KCNIP4: variants seen among roughly 807,000 people sequenced by gnomAD.
KCNIP4 encodes the protein potassium voltage-gated channel interacting protein 4.
In KCNIP4, 12 loss-of-function variants were observed where a neutral mutation model predicts 34.0. The ratio of observed to expected loss-of-function variants is 0.35; its 90% CI spans 0.23 to 0.57. The LOEUF is 0.57. Among genes scored for constraint, KCNIP4 ranks in the 20% least tolerant of loss-of-function variants. The probability of loss-of-function intolerance (pLI) is 0.83; values close to 1 mark genes in which losing one functional copy is unlikely to be tolerated. For missense variants in KCNIP4, 238 were observed against 311.7 expected, an observed-to-expected ratio of 0.76 and a Z score of 1.78; for synonymous variants, 124 against 102.2, an observed-to-expected ratio of 1.21 and a Z score of -1.29.
chr4:21,393,998 C>G (rs1722765547), intron 1 of KCNIP4, among the ~76,000 whole-genome samples: 1 of 152,198 alleles, frequency 6.6e-6, no homozygotes, highest in Non-Finnish European at 1.5e-5. Flanking sequence ...TCAATCCCTA[C>G]TTGCCTACTG....
chr4:21,221,068 T>A (rs1011719819), intron 1 of KCNIP4, among the ~76,000 whole-genome samples: 2 of 152,162 alleles, frequency 1.3e-5, no homozygotes, highest in South Asian at 2.1e-4. Context: ...AATTCATCGT[T>A]CATTCCTCTG....
intron 1 of KCNIP4, among the ~76,000 whole-genome samples, chr4:21,812,148 CAA>C (rs919183227): frequency 1.3e-5 from 2 of 152,128 alleles, no homozygotes; most frequent in African/African-American, 4.8e-5. Context: ...TCTAGTTCTA[CAA>C]AAAGAGGCTA....
intron 1 of KCNIP4, among the ~76,000 whole-genome samples, chr4:21,117,643 T>G (rs55988252): frequency 0.2 from 30,927 of 152,068 alleles, 3,672 homozygotes; most frequent in African/African-American, 0.33. Context: ...TCTAACTCCC[T>G]TTTTCACGTG....
intron 1 of KCNIP4, among the ~76,000 whole-genome samples, chr4:21,588,319 G>C (rs1456451659): frequency 1.3e-5 from 2 of 151,962 alleles, no homozygotes; most frequent in East Asian, 3.9e-4. Context: ...CCAAATCAAA[G>C]GTTGTTATGG....
chr4:21,718,582 A>C (rs187894245), intron 1 of KCNIP4: 2 of 152,256 alleles, frequency 1.3e-5, no homozygotes, highest in East Asian at 3.9e-4. Context: ...AACTTCTCTA[A>C]ATGCAAGACA....
At chr4:21,392,235 G>T (rs1722628556) in intron 1 of KCNIP4, among the ~76,000 whole-genome samples, 1 of 152,200 alleles carries the variant, frequency 6.6e-6, no homozygotes, top group South Asian at 2.1e-4. Context: ...AAATGGGAAG[G>T]TGGAAGTGCA....
intron 1 of KCNIP4, among the ~76,000 whole-genome samples, chr4:21,233,449 T>G (rs1315097348): frequency 6.6e-6 from 1 of 151,998 alleles, no homozygotes; most frequent in Non-Finnish European, 1.5e-5. Context: ...GGTCATAGTT[T>G]GGGGGAGATT....
chr4:21,857,493 C>A (rs554171178), intron 1 of KCNIP4, among the ~76,000 whole-genome samples: 1 of 152,104 alleles, frequency 6.6e-6, no homozygotes, highest in East Asian at 1.9e-4. Context: ...CAGGAGCTAC[C>A]CACCAGGGTT....
At chr4:21,624,008 C>G (rs908689228) in intron 1 of KCNIP4, among the ~76,000 whole-genome samples, 1 of 152,112 alleles carries the variant, frequency 6.6e-6, no homozygotes, top group Non-Finnish European at 1.5e-5. Context: ...GCACAAGAAT[C>G]TGTGCAGAAA....
At chr4:20,945,062 TG>T (rs1732050532) in intron 1 of KCNIP4, among the ~76,000 whole-genome samples, 1 of 152,204 alleles carries the variant, frequency 6.6e-6, no homozygotes, top group Non-Finnish European at 1.5e-5. Context: ...TCAGGAGATC[TG>T]GGCCATCAAA....
chr4:21,638,785 T>C (rs1368920261), intron 1 of KCNIP4, among the ~76,000 whole-genome samples: 4 of 152,200 alleles, frequency 2.6e-5, no homozygotes, highest in Non-Finnish European at 5.9e-5. Flanking sequence ...CATGATTGTG[T>C]GAACATGTGA....
At chr4:21,628,390 G>C (rs1262523401) in intron 1 of KCNIP4, among the ~76,000 whole-genome samples, 1 of 152,114 alleles carries the variant, frequency 6.6e-6, no homozygotes, top group Non-Finnish European at 1.5e-5. Flanking sequence ...CTCTTCAGAA[G>C]CAAGGCCGGC....
At position 21,519,608 on chromosome 4, in the gene KCNIP4, A is replaced by G. The variant is rs532352733; in HGVS notation, c.61+428963T>C. On this transcript the variant is annotated intron_variant, in intron 1 of 8. Coordinates refer to ENST00000382152, the MANE Select transcript of KCNIP4 (RefSeq NM_025221.6). ...TGTATGTATGTGTATATATACACAT[A>G]TGTGTGTGTATGTATGTGTATATAC... Among the ~76,000 whole-genome samples, 22 of 98,694 alleles carry G rather than the reference A, an allele frequency of 2.2e-4. 3 individuals are homozygous for G. The highest frequency in any genetic ancestry group is 6.4e-4 in the African/African-American group (15 of 23,430). 64.7% of individuals were successfully genotyped at this position (98,694 alleles called of 152,430 possible). A position where few individuals can be genotyped will look rare whatever the true frequency, so the allele number is the denominator to read the frequency against.
At chr4:21,917,160 A>G (rs1232395992) in intron 1 of KCNIP4, among the ~76,000 whole-genome samples, 1 of 152,000 alleles carries the variant, frequency 6.6e-6, no homozygotes, top group Non-Finnish European at 1.5e-5. Context: ...TTTGAGACAG[A>G]GTCTCGCACT....
At chr4:21,255,071 G>A (rs1451251972) in intron 1 of KCNIP4, among the ~76,000 whole-genome samples, 6 of 152,086 alleles carry the variant, frequency 3.9e-5, no homozygotes, top group African/African-American at 1.2e-4. Context: ...AGTCAGTCTT[G>A]AATGAGCTCC....
At chr4:21,177,969 T>C (rs1379916375) in intron 1 of KCNIP4, among the ~76,000 whole-genome samples, 1 of 151,894 alleles carries the variant, frequency 6.6e-6, no homozygotes, top group South Asian at 2.1e-4. Flanking sequence ...CCAAATTAAA[T>C]TCAGGATTCA....
At chr4:21,261,262 T>C (rs1444671676) in intron 1 of KCNIP4, among the ~76,000 whole-genome samples, 2 of 152,258 alleles carry the variant, frequency 1.3e-5, no homozygotes, top group East Asian at 3.9e-4. Context: ...GAAGCAAATA[T>C]CATTGCGTAA....
At chr4:21,020,549 G>A (rs577111349) in intron 1 of KCNIP4, among the ~76,000 whole-genome samples, 11 of 152,028 alleles carry the variant, frequency 7.2e-5, no homozygotes, top group African/African-American at 2.7e-4. Flanking sequence ...AAAAGGACAC[G>A]ATCTTCAGGG....
chr4:20,743,050 G>A (rs1343423624), intron 5 of KCNIP4, among the ~76,000 whole-genome samples: 1 of 151,770 alleles, frequency 6.6e-6, no homozygotes, highest in African/African-American at 2.4e-5. Context: ...ACCCTTATAA[G>A]GGTGTGAAGG....
Sources: gnomAD v4.1 joint callset for allele counts (sites outside exome capture counted in the v4.1 genomes callset) on GRCh38, gnomAD v4.1.1 for gene constraint, MANE v1.5 for transcripts, NCBI Gene and HGNC (gene_info 2026-07-23, HGNC 2026-07-21) for gene names.